The following RNF170 variants were observed in gnomAD, a reference collection of about 807,000 sequenced individuals.
RNF170 encodes E3 ubiquitin-protein ligase RNF170.
A neutral mutation model predicts 32.7 loss-of-function variants in RNF170; 12 were observed. That is an observed-to-expected ratio of 0.37 (90% CI 0.24 to 0.60). The LOEUF (loss-of-function observed/expected upper bound fraction) is 0.60, where lower values mean the gene tolerates loss of function less well. RNF170 is among the 20% of genes least tolerant of loss of function. The probability of loss-of-function intolerance (pLI) is 0.72; values close to 1 mark genes in which losing one functional copy is unlikely to be tolerated. For missense variants in RNF170, 212 were observed against 311.2 expected (o/e 0.68, Z 2.40); for synonymous variants, 91 against 103.6 (o/e 0.88, Z 0.74).
chr8:42,897,224 T>TC (rs1393573375), upstream of RNF170: 5 of 1,208,044 alleles, frequency 4.1e-6, no homozygotes, highest in Non-Finnish European at 5.2e-6. Context: ...GAAGACCCCC[T>TC]CCCCCCGCCA....
upstream of RNF170, chr8:42,897,020 G>A: frequency 1.3e-6 from 1 of 756,986 alleles, no homozygotes; most frequent in Non-Finnish European, 1.8e-6. Context: ...GGCCGGATCC[G>A]AGGAGCAGGC....
At chr8:42,860,352 A>G (rs1803565330) in intron 6 of RNF170, among the ~76,000 whole-genome samples, 1 of 152,242 alleles carries the variant, frequency 6.6e-6, no homozygotes, top group South Asian at 2.1e-4. Context: ...CTTCTAGGGT[A>G]AGGGGAAGAA....
intron 4 of RNF170, among the ~76,000 whole-genome samples, chr8:42,867,732 T>C (rs1237644372): frequency 8.2e-6 from 1 of 122,660 alleles, no homozygotes; most frequent in African/African-American, 3.3e-5. Flanking sequence ...GCCGAGATCA[T>C]GCCACTGCAC....
At position 42,853,853 on chromosome 8, in the gene RNF170, T is replaced by C; in HGVS notation, c.*2306A>G. 7.8e-7 allele frequency: 1 copy of C among 1,286,820 alleles called. No individual in the cohort carries two copies. Among genetic ancestry groups the C allele is most frequent in the Non-Finnish European group, 1.0e-6 (1 of 988,398 alleles). 79.7% of individuals were successfully genotyped at this position (1,286,820 alleles called of 1,614,324 possible). ...AAGATCATTTAGTATTTTTTTATGT[T>C]ACAAAATTTGGTACAATACACCTCT... On this transcript the variant is annotated 3_prime_UTR_variant, in exon 7 of 7. Transcript: ENST00000527424.
Position 42,855,124 on chromosome 8 carries a change from T to C in RNF170, c.*1035A>G. ...CATCGCCCAGGTTCCTAAAACAATCTTCCCTTTACAAATTACTTTTATATC... is the reference window on the plus strand; with the variant it reads ...CATCGCCCAGGTTCCTAAAACAATCCTCCCTTTACAAATTACTTTTATATC... On this transcript the variant is annotated 3_prime_UTR_variant, in exon 7 of 7. Transcript: ENST00000527424. The C allele has an allele frequency of 7.8e-7, 1 of 1,287,212 alleles. No individual in the cohort carries two copies. The highest frequency in any genetic ancestry group is 1.0e-6 in the Non-Finnish European group (1 of 988,682). 79.7% of individuals were successfully genotyped at this position (1,287,212 alleles called of 1,614,324 possible).
chr8:42,889,615 C>A (rs369754725), intron 1 of RNF170, among the ~76,000 whole-genome samples: 1 of 152,190 alleles, frequency 6.6e-6, no homozygotes, highest in African/African-American at 2.4e-5. Flanking sequence ...TGGAAGAAAC[C>A]TACGCAAACA....
rs562085848 is a variant in RNF170 at position 42,871,182 on chromosome 8, C to T, written c.214-1070G>A. 1.2e-4 allele frequency among the ~76,000 whole-genome samples: 18 copies of T among 152,020 alleles called. No individual in the cohort carries two copies. In the South Asian group the frequency reaches 3.7e-3, roughly 32 times the overall value. On this transcript the variant is annotated intron_variant, in intron 3 of 6. Coordinates refer to ENST00000527424, the MANE Select transcript of RNF170 (RefSeq NM_030954.4). ...CCGAGATCACACCGCTATACTCCTG[C>T]CTGGGCAACAGAGACCCTGTCTCAA...
In RNF170 at chr8:42,855,433, G is replaced by T. The variant is rs1249662464; in HGVS notation, c.*726C>A. 1.3e-6 allele frequency: 1 copy of T among 773,240 alleles called. No individual in the cohort carries two copies. The highest frequency in any genetic ancestry group is 1.5e-5 in the South Asian group (1 of 68,674). The allele number at this position is 773,240 out of a possible 1,614,324, so 47.9% of individuals were successfully genotyped here. A position where few individuals can be genotyped will look rare whatever the true frequency, so the allele number is the denominator to read the frequency against. ...TCACCATGTTAGCCAGGATGGTCCT[G>T]ATCTCCTGACCTTGTGATCTACCCG... On this transcript the variant is annotated 3_prime_UTR_variant, in exon 7 of 7. Coordinates refer to ENST00000527424, the MANE Select transcript of RNF170 (RefSeq NM_030954.4).
chr8:42,882,470 C>T (rs981023927), intron 2 of RNF170, among the ~76,000 whole-genome samples: 1 of 152,196 alleles, frequency 6.6e-6, no homozygotes, highest in Admixed American at 6.5e-5. Flanking sequence ...AATCTTCCCA[C>T]CTCAGCCTCC....
chr8:42,866,106 A>G (rs1804060144), intron 4 of RNF170, among the ~76,000 whole-genome samples: 1 of 152,204 alleles, frequency 6.6e-6, no homozygotes, highest in Non-Finnish European at 1.5e-5. Flanking sequence ...AAATAAAACA[A>G]TAATTAAACA....
chr8:42,894,556 C>T (rs769724369), intron 1 of RNF170, among the ~76,000 whole-genome samples: 1 of 152,116 alleles, frequency 6.6e-6, no homozygotes, highest in African/African-American at 2.4e-5. Flanking sequence ...ACAGGCGAGA[C>T]ACACATGTGT....
Position 42,876,948 on chromosome 8 carries a change from C to A in RNF170, c.138-2942G>T, listed in dbSNP as rs543480874. ...GGGATTACAGGCGTGAGCCACTGTG[C>A]CCGGACTTTTTTTTTTTTTTTTTGA... On this transcript the variant is annotated intron_variant, in intron 2 of 6. Transcript: ENST00000527424. Among the ~76,000 whole-genome samples, 3 of 149,944 alleles carry A rather than the reference C, an allele frequency of 2.0e-5. No individual in the cohort carries two copies. In the East Asian group the frequency reaches 5.9e-4, roughly 29 times the overall value.
chr8:42,889,501 GA>G (rs1428756639), intron 1 of RNF170: 1 of 152,060 alleles, frequency 6.6e-6, no homozygotes, highest in Non-Finnish European at 1.5e-5. Context: ...TTATTGAGCT[GA>G]AAAAAGTTTT....
intron 6 of RNF170, among the ~76,000 whole-genome samples, chr8:42,858,649 T>C (rs1437472005): frequency 6.6e-6 from 1 of 152,228 alleles, no homozygotes; most frequent in Non-Finnish European, 1.5e-5. Context: ...AAGGAGGGTC[T>C]ACTTAAGATA....
At chr8:42,886,453 G>A (rs778450736) in intron 2 of RNF170, among the ~76,000 whole-genome samples, 4 of 152,026 alleles carry the variant, frequency 2.6e-5, no homozygotes, top group Non-Finnish European at 5.9e-5. Context: ...TAAAATACCC[G>A]ATTGAAATCA....
intron 2 of RNF170, among the ~76,000 whole-genome samples, chr8:42,883,839 A>G (rs527727858): frequency 2.6e-5 from 4 of 152,336 alleles, no homozygotes; most frequent in African/African-American, 4.8e-5. Context: ...TAAATTACAA[A>G]AAAGAGACTT....
chr8:42,850,730 C>CCTACTTTTGCA, downstream of RNF170: 15 of 1,548,114 alleles, frequency 9.7e-6, no homozygotes, highest in East Asian at 2.4e-5. Flanking sequence ...AGGGTCACTG[C>CCTACTTTTGCA]CTACTTTTGC....
chr8:42,854,636 A>G lies in RNF170; in HGVS notation c.*1523T>C, dbSNP rs891411427. 49 of 1,287,068 alleles carry G rather than the reference A, an allele frequency of 3.8e-5. No individual in the cohort carries two copies. Among genetic ancestry groups the G allele is most frequent in the Non-Finnish European group, 4.9e-5 (48 of 988,642 alleles). The allele number at this position is 1,287,068 out of a possible 1,614,324, so 79.7% of individuals were successfully genotyped here. A position where few individuals can be genotyped will look rare whatever the true frequency, so the allele number is the denominator to read the frequency against. ...TAATTGGTAGCTGATCTGATTAGCT[A>G]GAGAGAATGTGACAGATTTTCTCCT... On this transcript the variant is annotated 3_prime_UTR_variant, in exon 7 of 7. Transcript: ENST00000527424.
chr8:42,859,121 T>C (rs1803465232), intron 6 of RNF170, among the ~76,000 whole-genome samples: 1 of 149,838 alleles, frequency 6.7e-6, no homozygotes, highest in African/African-American at 2.5e-5. Flanking sequence ...GAGGCAAACG[T>C]TGCAGCGAGC....
Sources: gnomAD v4.1 joint callset for allele counts (sites outside exome capture counted in the v4.1 genomes callset) on GRCh38, gnomAD v4.1.1 for gene constraint, MANE v1.5 for transcripts, NCBI Gene and HGNC (gene_info 2026-07-23, HGNC 2026-07-21) for gene names.